Variants in KHDRBS2 observed in about 807,000 individuals in gnomAD.
KHDRBS2 encodes KH domain-containing, RNA-binding, signal transduction-associated protein 2.
In KHDRBS2, 26 loss-of-function variants were observed where a neutral mutation model predicts 44.3. The observed-to-expected ratio is 0.59, with a 90% CI of 0.43 to 0.81. KHDRBS2 has a LOEUF of 0.81. Ranked by LOEUF, KHDRBS2 falls within the 40% of genes least tolerant of loss-of-function variation. The probability of loss-of-function intolerance (pLI) is 0.00; values close to 1 mark genes in which losing one functional copy is unlikely to be tolerated. For missense variants in KHDRBS2, 476 were observed against 433.1 expected (o/e 1.10, Z -0.88); for synonymous variants, 194 against 151.1 (o/e 1.28, Z -2.08).
intron 1 of KHDRBS2, among the ~76,000 whole-genome samples, chr6:62,285,418 G>T (rs1035343259): frequency 6.6e-6 from 1 of 152,070 alleles, no homozygotes; most frequent in African/African-American, 2.4e-5. Flanking sequence ...TGATTAAAGG[G>T]TATCAAAAAT....
intron 7 of KHDRBS2, among the ~76,000 whole-genome samples, chr6:61,731,495 T>G (rs183371250): frequency 1.3e-5 from 2 of 152,210 alleles, no homozygotes; most frequent in Admixed American, 6.5e-5. Flanking sequence ...ATAAAATTTA[T>G]CTTCAATACT....
At chr6:62,149,138 C>T (rs576995605) in intron 2 of KHDRBS2, among the ~76,000 whole-genome samples, 1 of 152,118 alleles carries the variant, frequency 6.6e-6, no homozygotes, top group East Asian at 1.9e-4. Flanking sequence ...TAAACATAAA[C>T]GATTGAGACT....
intron 7 of KHDRBS2, among the ~76,000 whole-genome samples, chr6:61,713,435 T>G (rs1039083365): frequency 3.3e-5 from 5 of 151,774 alleles, no homozygotes; most frequent in African/African-American, 1.2e-4. Flanking sequence ...AGATATAAAG[T>G]GTGTTGTTAT....
chr6:62,139,057 GA>G (rs1454815440), intron 2 of KHDRBS2, among the ~76,000 whole-genome samples: 1 of 151,504 alleles, frequency 6.6e-6, no homozygotes, highest in Non-Finnish European at 1.5e-5. Context: ...CAAATTGCTT[GA>G]TTTTTTTTTT....
the KHDRBS2 span, among the ~76,000 whole-genome samples, chr6:61,554,033 G>A: frequency 1.3e-5 from 2 of 152,122 alleles, no homozygotes; most frequent in African/African-American, 4.8e-5. Flanking sequence ...GTCAAGCATT[G>A]AGTTCATGTC....
intron 6 of KHDRBS2, among the ~76,000 whole-genome samples, chr6:61,867,812 C>T: frequency 6.6e-6 from 1 of 152,166 alleles, no homozygotes; most frequent in Non-Finnish European, 1.5e-5. Context: ...GGCCGCCTGC[C>T]CCATCCTCTG....
chr6:61,768,943 T>C (rs1780409873), intron 6 of KHDRBS2, among the ~76,000 whole-genome samples: 1 of 152,104 alleles, frequency 6.6e-6, no homozygotes, highest in Non-Finnish European at 1.5e-5. Context: ...TTCTTATTGA[T>C]TCAAAGTATA....
At chr6:61,555,298 G>A in the KHDRBS2 span, among the ~76,000 whole-genome samples, 4 of 152,034 alleles carry the variant, frequency 2.6e-5, no homozygotes, top group African/African-American at 9.7e-5. Context: ...GGTCAATTCT[G>A]CTGTTAATAC....
At chr6:61,640,028 A>G in the KHDRBS2 span, among the ~76,000 whole-genome samples, 3 of 152,192 alleles carry the variant, frequency 2.0e-5, no homozygotes, top group East Asian at 5.8e-4. Context: ...TTTTTGGCAC[A>G]ATTGGTGAAA....
chr6:62,110,496 A>C (rs1804745343), intron 2 of KHDRBS2, among the ~76,000 whole-genome samples: 1 of 152,086 alleles, frequency 6.6e-6, no homozygotes, highest in African/African-American at 2.4e-5. Flanking sequence ...ATACAATGGA[A>C]TACTATTCTG....
chr6:62,126,487 T>C (rs1214249851), intron 2 of KHDRBS2, among the ~76,000 whole-genome samples: 2 of 152,286 alleles, frequency 1.3e-5, no homozygotes, highest in Non-Finnish European at 2.9e-5. Flanking sequence ...TAAGCAAAGA[T>C]AGGCAGTAGC....
At chr6:61,606,243 T>G in the KHDRBS2 span, among the ~76,000 whole-genome samples, 1 of 152,168 alleles carries the variant, frequency 6.6e-6, no homozygotes, top group Non-Finnish European at 1.5e-5. Flanking sequence ...CAAAGCCTGT[T>G]TGGTGGTCTG....
At chr6:61,969,640 A>G (rs1770891335) in intron 4 of KHDRBS2, among the ~76,000 whole-genome samples, 2 of 151,980 alleles carry the variant, frequency 1.3e-5, no homozygotes, top group South Asian at 4.1e-4. Context: ...TCCTCAAATA[A>G]GAAGTAGATT....
At chr6:62,002,608 G>A (rs577775579) in intron 3 of KHDRBS2, among the ~76,000 whole-genome samples, 3 of 150,802 alleles carry the variant, frequency 2.0e-5, no homozygotes, top group East Asian at 2.0e-4. Context: ...GATTTCAATC[G>A]TAATGTAGAA....
chr6:61,901,871 G>A (rs1253379591), intron 4 of KHDRBS2, among the ~76,000 whole-genome samples: 1 of 152,170 alleles, frequency 6.6e-6, no homozygotes. Flanking sequence ...AAGTATGATA[G>A]TATGTCCCTG....
chr6:62,268,938 T>C (rs1421606226), intron 1 of KHDRBS2, among the ~76,000 whole-genome samples: 3 of 152,106 alleles, frequency 2.0e-5, no homozygotes, highest in African/African-American at 7.2e-5. Flanking sequence ...GCAGATTTCA[T>C]ATATTTAAAC....
intron 2 of KHDRBS2, among the ~76,000 whole-genome samples, chr6:62,068,578 C>T (rs991464935): frequency 6.6e-6 from 1 of 151,390 alleles, no homozygotes; most frequent in African/African-American, 2.4e-5. Context: ...AATACCACTG[C>T]CTAACCTAGA....
the KHDRBS2 span, among the ~76,000 whole-genome samples, chr6:61,566,561 C>A: frequency 3.4e-4 from 52 of 152,076 alleles, no homozygotes; most frequent in African/African-American, 1.3e-3. Flanking sequence ...TAATGAATAC[C>A]TTCCCAAGGT....
chr6:62,086,968 G>C (rs1798509669), intron 2 of KHDRBS2, among the ~76,000 whole-genome samples: 3 of 150,478 alleles, frequency 2.0e-5, no homozygotes, highest in Admixed American at 2.0e-4. Flanking sequence ...AAAAGATATA[G>C]GTGAGAAAAG....
Sources: allele counts gnomAD v4.1 joint callset (sites outside exome capture counted in the v4.1 genomes callset), GRCh38; gene constraint gnomAD v4.1.1; transcripts MANE v1.5; gene names NCBI Gene and HGNC (gene_info 2026-07-23, HGNC 2026-07-21).